The following KAT6B variants were observed in gnomAD, a reference collection of about 807,000 sequenced individuals.
The protein encoded by KAT6B is lysine acetyltransferase 6B.
A neutral mutation model predicts 187.5 loss-of-function variants in KAT6B; 10 were observed. The ratio of observed to expected loss-of-function variants is 0.05; its 90% CI spans 0.03 to 0.09. KAT6B has a LOEUF of 0.09. KAT6B is among the 10% of genes least tolerant of loss of function. The pLI is 1.00. For missense variants in KAT6B, 1,952 were observed against 2,558.9 expected, an observed-to-expected ratio of 0.76 and a Z score of 5.12; for synonymous variants, 861 against 926.8, an observed-to-expected ratio of 0.93 and a Z score of 1.29.
chr10:74,863,916 A>C (rs1224398861), intron 3 of KAT6B, among the ~76,000 whole-genome samples: 1 of 151,712 alleles, frequency 6.6e-6, no homozygotes, highest in Non-Finnish European at 1.5e-5. Context: ...GAGTGTAGAT[A>C]AGGATAAAGG....
chr10:74,947,865 C>A (rs1015873284), intron 3 of KAT6B, among the ~76,000 whole-genome samples: 1 of 152,180 alleles, frequency 6.6e-6, no homozygotes, highest in Non-Finnish European at 1.5e-5. Context: ...TTGTGCAGTT[C>A]CAACACACCT....
At chr10:74,980,418 G>A (rs1013542784) in intron 10 of KAT6B, among the ~76,000 whole-genome samples, 1 of 152,050 alleles carries the variant, frequency 6.6e-6, no homozygotes, top group Non-Finnish European at 1.5e-5. Flanking sequence ...GGCCAATCAC[G>A]TAACTGGAGA....
chr10:74,842,586 T>G lies in KAT6B; in HGVS notation c.-258-14T>G. The stretch of plus-strand genomic sequence containing the variant: ...TCATTATTAAGAGACTTTCCCCTCT[T>G]TTTATCCTTTAAGGTCTTGATTTCC... On this transcript the variant is annotated splice_polypyrimidine_tract_variant and intron_variant, in intron 2 of 17. Transcript: ENST00000287239. 1 of 589,898 alleles carries G rather than the reference T, an allele frequency of 1.7e-6. No homozygotes were observed. The highest frequency in any genetic ancestry group is 3.0e-6 in the Non-Finnish European group (1 of 333,970). 36.5% of individuals were successfully genotyped at this position (589,898 alleles called of 1,614,324 possible). A position where few individuals can be genotyped will look rare whatever the true frequency, so the allele number is the denominator to read the frequency against.
intron 13 of KAT6B, among the ~76,000 whole-genome samples, chr10:75,007,023 G>A (rs112401460): frequency 0.025 from 3,733 of 149,844 alleles, 166 homozygotes; most frequent in African/African-American, 0.087. Context: ...AGCTGAGATC[G>A]TGCCACTGTA....
At chr10:74,954,551 G>A (rs1589696407) in intron 3 of KAT6B, among the ~76,000 whole-genome samples, 2 of 152,130 alleles carry the variant, frequency 1.3e-5, no homozygotes, top group Admixed American at 1.3e-4. Flanking sequence ...TCCTATTGGT[G>A]TAAGTTTTGT....
intron 3 of KAT6B, among the ~76,000 whole-genome samples, chr10:74,936,348 A>G (rs1042328197): frequency 2.6e-5 from 4 of 151,770 alleles, no homozygotes; most frequent in African/African-American, 9.7e-5. Flanking sequence ...GGTTGCAGTG[A>G]GCCAAGACTG....
chr10:74,944,145 A>G (rs2133323725), intron 3 of KAT6B, among the ~76,000 whole-genome samples: 1 of 152,310 alleles, frequency 6.6e-6, no homozygotes, highest in East Asian at 1.9e-4. Flanking sequence ...ACAGCCTTGG[A>G]TGACTTCACA....
At chr10:74,889,774 C>G (rs573533986) in intron 3 of KAT6B, among the ~76,000 whole-genome samples, 2 of 152,202 alleles carry the variant, frequency 1.3e-5, no homozygotes, top group Non-Finnish European at 1.5e-5. Flanking sequence ...AGGAGATGAC[C>G]TGCCATAGGT....
chr10:75,020,930 A>G (rs887718175), intron 14 of KAT6B, 117 bp downstream of exon 14: 1 of 1,002,652 alleles, frequency 1.0e-6, no homozygotes, highest in African/African-American at 1.6e-5. Flanking sequence ...AGTATTATCA[A>G]ACCTTTTCTC....
chr10:74,856,633 T>A (rs1218284503), intron 3 of KAT6B, among the ~76,000 whole-genome samples: 2 of 151,834 alleles, frequency 1.3e-5, no homozygotes. Flanking sequence ...GAGTGGTGGC[T>A]CACACCTATA....
chr10:74,925,317 C>T (rs1848416946), intron 3 of KAT6B, among the ~76,000 whole-genome samples: 1 of 152,134 alleles, frequency 6.6e-6, no homozygotes, highest in Non-Finnish European at 1.5e-5. Context: ...GCTGGGATTA[C>T]AGGCGTGAGC....
intron 3 of KAT6B, among the ~76,000 whole-genome samples, chr10:74,913,258 C>G (rs1163631252): frequency 6.6e-6 from 1 of 152,192 alleles, no homozygotes; most frequent in Non-Finnish European, 1.5e-5. Context: ...CCTCCAAGAT[C>G]TCCAGTGGAT....
chr10:74,859,593 C>T (rs1843038977), intron 3 of KAT6B, among the ~76,000 whole-genome samples: 1 of 152,174 alleles, frequency 6.6e-6, no homozygotes, highest in Non-Finnish European at 1.5e-5. Flanking sequence ...AATGTTTCAG[C>T]AGTCTTCTGC....
intron 3 of KAT6B, among the ~76,000 whole-genome samples, chr10:74,920,798 G>A (rs1589625037): frequency 6.6e-6 from 1 of 152,198 alleles, no homozygotes; most frequent in East Asian, 1.9e-4. Context: ...AAAGAAACTT[G>A]TTATAATTTA....
chr10:74,940,476 A>G (rs1293033417), intron 3 of KAT6B, among the ~76,000 whole-genome samples: 4 of 151,016 alleles, frequency 2.6e-5, no homozygotes, highest in Non-Finnish European at 5.9e-5. Flanking sequence ...GGGTTTCACC[A>G]TGTTGGTCCG....
chr10:74,914,565 G>A (rs544742639), intron 3 of KAT6B, among the ~76,000 whole-genome samples: 2 of 152,058 alleles, frequency 1.3e-5, no homozygotes, highest in Non-Finnish European at 2.9e-5. Context: ...AGTGAGGGAC[G>A]TCAGCCAAAA....
intron 3 of KAT6B, among the ~76,000 whole-genome samples, chr10:74,879,015 C>G (rs1844646852): frequency 6.6e-6 from 1 of 152,160 alleles, no homozygotes; most frequent in Non-Finnish European, 1.5e-5. Flanking sequence ...TGAGGGACTC[C>G]CCAAGGCTTC....
intron 3 of KAT6B, among the ~76,000 whole-genome samples, chr10:74,853,714 G>A (rs112173960): frequency 1.0e-4 from 15 of 143,802 alleles, no homozygotes; most frequent in African/African-American, 3.6e-4. Flanking sequence ...TGCAACCTCC[G>A]CCTCCCAGGT....
chr10:74,867,458 A>AG (rs1843634002), intron 3 of KAT6B, among the ~76,000 whole-genome samples: 2 of 152,200 alleles, frequency 1.3e-5, no homozygotes, highest in African/African-American at 2.4e-5. Context: ...AATTGAATAA[A>AG]ACATATTACC....
Sources: allele counts gnomAD v4.1 joint callset (sites outside exome capture counted in the v4.1 genomes callset), GRCh38; gene constraint gnomAD v4.1.1; transcripts MANE v1.5; gene names NCBI Gene and HGNC (gene_info 2026-07-23, HGNC 2026-07-21).